MEF2A: variants seen among roughly 807,000 people sequenced by gnomAD.
MEF2A encodes myocyte enhancer factor 2A.
In MEF2A, 28 loss-of-function variants were observed where a neutral mutation model predicts 55.8. The observed-to-expected ratio is 0.50, with a 90% CI of 0.37 to 0.69. The LOEUF (loss-of-function observed/expected upper bound fraction) is 0.69. MEF2A is among the 30% of genes least tolerant of loss of function. The pLI is 0.00. For missense variants in MEF2A, 528 were observed against 626.2 expected (o/e 0.84, Z 1.67); for synonymous variants, 239 against 227.1 (o/e 1.05, Z -0.47).
chr15:99,683,473 C>T (rs764129412), intron 7 of MEF2A, among the ~76,000 whole-genome samples: 1 of 152,168 alleles, frequency 6.6e-6, no homozygotes, highest in Non-Finnish European at 1.5e-5. Flanking sequence ...GTGGCACGAT[C>T]TCGGCTCACT....
intron 8 of MEF2A, among the ~76,000 whole-genome samples, chr15:99,695,041 T>C (rs530910446): frequency 3.9e-5 from 6 of 152,086 alleles, no homozygotes; most frequent in African/African-American, 1.4e-4. Context: ...TAATATATTC[T>C]AGGCTTATCT....
At chr15:99,567,318 G>GTA (rs1219762592) in intron 1 of MEF2A, among the ~76,000 whole-genome samples, 2 of 152,204 alleles carry the variant, frequency 1.3e-5, no homozygotes, top group Non-Finnish European at 2.9e-5. Flanking sequence ...TTTTAGCACA[G>GTA]TATGTTTCCC....
chr15:99,609,455 TTATATTCAAA>T (rs1259018785), intron 2 of MEF2A, among the ~76,000 whole-genome samples: 1 of 152,232 alleles, frequency 6.6e-6, no homozygotes, highest in Non-Finnish European at 1.5e-5. Flanking sequence ...TCTATGAGAT[TTATATTCAAA>T]GTACAGTTTA....
chr15:99,569,284 C>A (rs143157699), intron 1 of MEF2A, among the ~76,000 whole-genome samples: 1 of 152,212 alleles, frequency 6.6e-6, no homozygotes, highest in African/African-American at 2.4e-5. Flanking sequence ...TGCGAAAATG[C>A]GTATTGCCTG....
At chr15:99,703,826 T>A (rs1049182419) in intron 9 of MEF2A, among the ~76,000 whole-genome samples, 2 of 152,352 alleles carry the variant, frequency 1.3e-5, no homozygotes, top group African/African-American at 2.4e-5. Context: ...TTTTCAGCGT[T>A]GGAATTATTT....
At chr15:99,657,429 C>T (rs1201597087) in intron 4 of MEF2A, 2 of 151,610 alleles carry the variant, frequency 1.3e-5, no homozygotes, top group Non-Finnish European at 2.9e-5. Flanking sequence ...TGGATCAACT[C>T]TTCTGTTGAA....
chr15:99,620,060 T>A (rs964766215), intron 2 of MEF2A, among the ~76,000 whole-genome samples: 1 of 152,282 alleles, frequency 6.6e-6, no homozygotes, highest in Non-Finnish European at 1.5e-5. Context: ...CTTTTTTTCG[T>A]ACCACGACAG....
chr15:99,704,475 G>A (rs932088423), intron 9 of MEF2A, among the ~76,000 whole-genome samples: 1 of 152,184 alleles, frequency 6.6e-6, no homozygotes, highest in African/African-American at 2.4e-5. Flanking sequence ...TATAATTCAA[G>A]CTAAAATAAT....
At chr15:99,683,746 T>G (rs985232985) in intron 7 of MEF2A, among the ~76,000 whole-genome samples, 2 of 151,942 alleles carry the variant, frequency 1.3e-5, no homozygotes, top group Non-Finnish European at 2.9e-5. Context: ...TTCAATAGTT[T>G]TGGGGGAACA....
chr15:99,633,052 G>T lies in MEF2A; in HGVS notation c.-68G>T, dbSNP rs1029076341. On this transcript the variant is annotated 5_prime_UTR_variant, in exon 3 of 12. Transcript: ENST00000557942. Reference sequence around the variant, plus strand: ...CAGAAGCTGTGTACGATGCATTAGGGTATTGAAGAAAATTAACTTTTGAAT... The same window carrying T: ...CAGAAGCTGTGTACGATGCATTAGGTTATTGAAGAAAATTAACTTTTGAAT... 1 of 1,294,814 alleles carries T rather than the reference G, an allele frequency of 7.7e-7. No homozygotes were observed. The highest frequency in any genetic ancestry group is 1.1e-6 in the Non-Finnish European group (1 of 916,366). 80.2% of individuals were successfully genotyped at this position (1,294,814 alleles called of 1,614,324 possible).
chr15:99,705,080 A>G (rs2057868595), intron 9 of MEF2A, among the ~76,000 whole-genome samples: 1 of 152,232 alleles, frequency 6.6e-6, no homozygotes, highest in Admixed American at 6.5e-5. Flanking sequence ...TACAACTTAG[A>G]AAGTTGTTCA....
chr15:99,675,804 G>A (rs1161685987), intron 7 of MEF2A, among the ~76,000 whole-genome samples: 1 of 152,132 alleles, frequency 6.6e-6, no homozygotes, highest in Non-Finnish European at 1.5e-5. Flanking sequence ...TTGGGAGGAC[G>A]AGGTGGGCAG....
intron 1 of MEF2A, among the ~76,000 whole-genome samples, chr15:99,572,896 T>C (rs1316617784): frequency 6.6e-6 from 1 of 152,246 alleles, no homozygotes; most frequent in Non-Finnish European, 1.5e-5. Context: ...TGAATTGCTA[T>C]GTCAAGGACC....
intron 10 of MEF2A, among the ~76,000 whole-genome samples, chr15:99,707,308 C>T (rs1229108344): frequency 6.6e-6 from 1 of 152,078 alleles, no homozygotes; most frequent in Non-Finnish European, 1.5e-5. Flanking sequence ...AGGAGGTGGC[C>T]GACGTTTGGC....
intron 7 of MEF2A, chr15:99,678,740 A>C (rs2052607577): frequency 1.1e-6 from 1 of 910,380 alleles, no homozygotes; most frequent in Non-Finnish European, 1.3e-6. Flanking sequence ...TAAGAAACCA[A>C]AGAAAGTCTA....
In MEF2A at chr15:99,715,184, T is replaced by C. The variant is rs559433835; in HGVS notation, c.*2413T>C. 1 of 152,362 alleles carries C rather than the reference T, an allele frequency of 6.6e-6. No individual in the cohort carries two copies. Among genetic ancestry groups the C allele is most frequent in the East Asian group, 1.9e-4 (1 of 5,188 alleles). The allele number at this position is 152,362 out of a possible 1,614,324, so 9.4% of individuals were successfully genotyped here. On this transcript the variant is annotated 3_prime_UTR_variant, in exon 12 of 12. Coordinates refer to ENST00000557942, the MANE Select transcript of MEF2A (RefSeq NM_001319206.4). ...AGTTCCAAAATAATCCTTACCACTT[T>C]GTAAACCATTTATAGCTTTGAAAGT...
At chr15:99,660,931 A>G (rs1327137675) in intron 4 of MEF2A, among the ~76,000 whole-genome samples, 1 of 152,242 alleles carries the variant, frequency 6.6e-6, no homozygotes, top group Non-Finnish European at 1.5e-5. Context: ...CACAGAGAAA[A>G]TAGAACAGAA....
At chr15:99,663,980 T>G (rs1431505919) in intron 4 of MEF2A, among the ~76,000 whole-genome samples, 1 of 152,210 alleles carries the variant, frequency 6.6e-6, no homozygotes, top group East Asian at 1.9e-4. Context: ...AAGGTAAGGT[T>G]GTCAGTACTC....
chr15:99,589,963 G>A (rs955316952), intron 1 of MEF2A, among the ~76,000 whole-genome samples: 2 of 151,986 alleles, frequency 1.3e-5, no homozygotes, highest in Admixed American at 6.5e-5. Context: ...ACATTTTCAT[G>A]TTTGTTCTTA....
Sources: gnomAD v4.1 joint callset for allele counts (sites outside exome capture counted in the v4.1 genomes callset) on GRCh38, gnomAD v4.1.1 for gene constraint, MANE v1.5 for transcripts, NCBI Gene and HGNC (gene_info 2026-07-23, HGNC 2026-07-21) for gene names.